The following CSMD1 variants were observed in gnomAD, a reference collection of about 807,000 sequenced individuals.
The protein encoded by CSMD1 is CUB and Sushi multiple domains 1.
In CSMD1, 213 loss-of-function variants were observed where a neutral mutation model predicts 417.5. The observed-to-expected ratio is 0.51, with a 90% CI of 0.46 to 0.57. CSMD1 has a LOEUF of 0.57. Ranked by LOEUF, CSMD1 falls within the 20% of genes least tolerant of loss-of-function variation. The probability of loss-of-function intolerance (pLI) is 0.00; values close to 1 mark genes in which losing one functional copy is unlikely to be tolerated. For synonymous variants in CSMD1, 2,862 were observed against 1,736.8 expected, an observed-to-expected ratio of 1.65 and a Z score of -16.11; for missense variants, 6,923 against 4,529.7, an observed-to-expected ratio of 1.53 and a Z score of -15.17.
At chr8:3,192,211 A>C (rs1418291394) in intron 33 of CSMD1, among the ~76,000 whole-genome samples, 2 of 152,240 alleles carry the variant, frequency 1.3e-5, no homozygotes, top group Non-Finnish European at 2.9e-5. Context: ...TTAATGATTT[A>C]TCAGAATCAT....
At chr8:4,771,801 A>G (rs1796610928) in intron 1 of CSMD1, among the ~76,000 whole-genome samples, 1 of 152,132 alleles carries the variant, frequency 6.6e-6, no homozygotes, top group Non-Finnish European at 1.5e-5. Flanking sequence ...TGATGTTCCC[A>G]AAGTTTGTTT....
intron 54 of CSMD1, among the ~76,000 whole-genome samples, chr8:2,985,255 GTATCAC>G (rs547482750): frequency 3.0e-4 from 45 of 152,340 alleles, no homozygotes; most frequent in Non-Finnish European, 5.0e-4. Context: ...CATCATGCCT[GTATCAC>G]TAGCTTCTGC....
intron 10 of CSMD1, among the ~76,000 whole-genome samples, chr8:3,503,700 C>T (rs1247645357): frequency 1.3e-5 from 2 of 152,150 alleles, no homozygotes; most frequent in African/African-American, 4.8e-5. Context: ...AGCTGGATGT[C>T]CCCCATCCAC....
At chr8:3,826,680 A>C (rs551280477) in intron 5 of CSMD1, among the ~76,000 whole-genome samples, 5 of 152,232 alleles carry the variant, frequency 3.3e-5, no homozygotes, top group Non-Finnish European at 5.9e-5. Context: ...TGAGGAACCA[A>C]CTCTGACTTG....
At chr8:3,741,539 A>G (rs1162175290) in intron 6 of CSMD1, among the ~76,000 whole-genome samples, 1 of 152,180 alleles carries the variant, frequency 6.6e-6, no homozygotes, top group Non-Finnish European at 1.5e-5. Flanking sequence ...AGGCACATTT[A>G]TTTCTATCCA....
intron 6 of CSMD1, among the ~76,000 whole-genome samples, chr8:3,725,681 G>A (rs1362937949): frequency 6.7e-6 from 1 of 150,218 alleles, no homozygotes; most frequent in Non-Finnish European, 1.5e-5. Context: ...CTCAGATGTG[G>A]CAGGGGCAGC....
Position 4,994,347 on chromosome 8 carries a change from G to A in CSMD1, c.70C>T (p.Leu24Phe), listed in dbSNP as rs771567817. 1.2e-6 allele frequency: 2 copies of A among 1,611,096 alleles called. No homozygotes were observed. Among genetic ancestry groups the A allele is most frequent in the Non-Finnish European group, 1.7e-6 (2 of 1,179,800 alleles). The change falls in exon 1 of 70, where the codon CTC becomes TTC. Residue 24 changes from leucine (L) to phenylalanine (F), a missense_variant. By Grantham distance (22) the Leu-to-Phe change is conservative. Transcript: ENST00000635120. ...TCCGTCTTACCCTTCGCTGCAGTGA[G>A]GAGCCTCGCGCACAGCACCAGCAGC... Reference protein sequence around the residue: ...LGLLVLCARLLTAAKGQNCGG... With the variant: ...LGLLVLCARLFTAAKGQNCGG...
At chr8:4,400,910 A>C (rs970338040) in intron 3 of CSMD1, among the ~76,000 whole-genome samples, 1 of 152,030 alleles carries the variant, frequency 6.6e-6, no homozygotes, top group African/African-American at 2.4e-5. Flanking sequence ...GTATATTGCA[A>C]TGACTCAGTA....
At chr8:4,556,295 A>C (rs1404248217) in intron 2 of CSMD1, among the ~76,000 whole-genome samples, 1 of 152,220 alleles carries the variant, frequency 6.6e-6, no homozygotes, top group Non-Finnish European at 1.5e-5. Flanking sequence ...CCATTTTCAT[A>C]AATTTTAATT....
intron 1 of CSMD1, among the ~76,000 whole-genome samples, chr8:4,761,356 G>A (rs1388508991): frequency 6.8e-6 from 1 of 146,446 alleles, no homozygotes; most frequent in Non-Finnish European, 1.5e-5. Context: ...ATTACATCTT[G>A]AAATCGTGTT....
intron 3 of CSMD1, among the ~76,000 whole-genome samples, chr8:4,384,464 T>C (rs930753115): frequency 1.3e-5 from 2 of 152,124 alleles, no homozygotes; most frequent in African/African-American, 2.4e-5. Flanking sequence ...CAAATAAAGC[T>C]TCTTCTATCT....
chr8:4,862,289 T>C (rs946912160), intron 1 of CSMD1, among the ~76,000 whole-genome samples: 3 of 152,020 alleles, frequency 2.0e-5, no homozygotes, highest in African/African-American at 7.3e-5. Flanking sequence ...TAAGTGAGAG[T>C]ATCAATGTCC....
chr8:3,716,070 A>G (rs1163031516), intron 6 of CSMD1, among the ~76,000 whole-genome samples: 5 of 152,214 alleles, frequency 3.3e-5, no homozygotes, highest in Non-Finnish European at 7.3e-5. Context: ...GTTCACTCTG[A>G]AACAATCAGC....
intron 7 of CSMD1, among the ~76,000 whole-genome samples, chr8:3,630,640 G>A (rs1397100363): frequency 6.6e-6 from 1 of 152,174 alleles, no homozygotes; most frequent in Admixed American, 6.5e-5. Context: ...GGGTTGAAGG[G>A]CAGCAGACAG....
At chr8:3,250,990 A>T (rs1233291945) in intron 26 of CSMD1, among the ~76,000 whole-genome samples, 1 of 152,084 alleles carries the variant, frequency 6.6e-6, no homozygotes, top group Non-Finnish European at 1.5e-5. Flanking sequence ...TAGATTGTGA[A>T]AATTTTCTCC....
chr8:3,860,587 A>G (rs1191985096), intron 5 of CSMD1, among the ~76,000 whole-genome samples: 1 of 152,178 alleles, frequency 6.6e-6, no homozygotes, highest in African/African-American at 2.4e-5. Context: ...TGCTAACCAT[A>G]TTACACATCA....
At chr8:3,400,814 T>C (rs868068598) in intron 15 of CSMD1, among the ~76,000 whole-genome samples, 8 of 151,300 alleles carry the variant, frequency 5.3e-5, no homozygotes, top group African/African-American at 1.7e-4. Flanking sequence ...ATATTATATA[T>C]ATATATTTTT....
rs960255172 is a variant in CSMD1 at position 4,420,065 on chromosome 8, T to C, written c.303A>G (p.Arg101=). 3 of 1,551,998 alleles carry C rather than the reference T, an allele frequency of 1.9e-6. No homozygotes were observed. In the Admixed American group the frequency reaches 5.8e-5, roughly 30 times the overall value. Residue 101 remains arginine (R), a splice_region_variant and synonymous_variant, in exon 3 of 70, where the codon AGA becomes AGG. Coordinates refer to ENST00000635120, the MANE Select transcript of CSMD1 (RefSeq NM_033225.6). ...AGGAGGGCAGCTGAAATCCCGATAA[T>C]CTAAATTTAAAAGACAAGACACAAA... The part of the protein sequence containing the change: ...GQPQQGNLKV[R]LSGFQLPSSI...
At chr8:3,151,364 G>A (rs772145101) in intron 40 of CSMD1, 33 bp downstream of exon 40, 3 of 1,375,896 alleles carry the variant, frequency 2.2e-6, no homozygotes, top group Admixed American at 1.8e-5. Flanking sequence ...TGAAAAAAAT[G>A]AACTTTTAGG....
Sources: gnomAD v4.1 joint callset for allele counts (sites outside exome capture counted in the v4.1 genomes callset) on GRCh38, gnomAD v4.1.1 for gene constraint, MANE v1.5 for transcripts, NCBI Gene and HGNC (gene_info 2026-07-23, HGNC 2026-07-21) for gene names.